SVIL: variants seen among roughly 807,000 people sequenced by gnomAD.
SVIL encodes the protein supervillin.
SVIL carries 101 observed loss-of-function variants against 240.4 expected under a neutral mutation model. The observed-to-expected ratio is 0.42, with a 90% CI of 0.36 to 0.50. SVIL has a LOEUF of 0.50. SVIL is among the 20% of genes least tolerant of loss of function. SVIL has a pLI of 0.01. For synonymous variants in SVIL, 999 were observed against 1,100.0 expected (o/e 0.91, Z 1.82); for missense variants, 2,512 against 2,818.7 (o/e 0.89, Z 2.46).
rs562007452 is a variant in SVIL at position 29,608,477 on chromosome 10, T to A, written c.-201+25943A>T. Reference sequence around the variant, plus strand: ...AAGCTGGCAGGATGGGAGCCTGTTCTCCCAGGCAGTTGCAGCTGCCCAGCC... The same window carrying A: ...AAGCTGGCAGGATGGGAGCCTGTTCACCCAGGCAGTTGCAGCTGCCCAGCC... On this transcript the variant is annotated intron_variant, in intron 1 of 37. Coordinates refer to ENST00000355867, the MANE Select transcript of SVIL (RefSeq NM_021738.3). 2.5e-4 allele frequency among the ~76,000 whole-genome samples: 38 copies of A among 152,338 alleles called. No individual in the cohort carries two copies. In the East Asian group the frequency reaches 6.4e-3, roughly 26 times the overall value.
chr10:29,484,627 G>A lies in SVIL; in HGVS notation c.4955+29C>T, dbSNP rs1336448194. Reference sequence around the variant, plus strand: ...ATCGAAGGGAATCAGCTCGCTTGAAGAGCTGTCCCCGGGCGGCGGCAGGAG... The same window carrying A: ...ATCGAAGGGAATCAGCTCGCTTGAAAAGCTGTCCCCGGGCGGCGGCAGGAG... On this transcript the variant is annotated intron_variant, in intron 27 of 37. Transcript: ENST00000355867. This position sits in a 1 kb window ranked among gnomAD's most constrained non-coding sequence, Gnocchi z 4.7. 1.3e-6 allele frequency: 2 copies of A among 1,594,294 alleles called. No homozygotes were observed. Among genetic ancestry groups the A allele is most frequent in the Non-Finnish European group, 1.7e-6 (2 of 1,169,740 alleles).
chr10:29,568,120 G>A (rs1955137807), intron 2 of SVIL, among the ~76,000 whole-genome samples: 1 of 151,664 alleles, frequency 6.6e-6, no homozygotes, highest in Non-Finnish European at 1.5e-5. Context: ...CATTAAAAAA[G>A]TGACGTTTCG....
chr10:29,522,614 G>A lies in SVIL; in HGVS notation c.3185C>T (p.Thr1062Ile), dbSNP rs1950632857. The A allele has an allele frequency of 6.2e-7, 1 of 1,614,162 alleles. No individual in the cohort carries two copies. Residue 1062 changes from threonine to isoleucine, a missense_variant, in exon 16 of 38, where the codon ACT (threonine) becomes ATT (isoleucine). Transcript: ENST00000355867. ...SLRAAEFGEPTSEQTGTAAGK... is the reference protein window; with the variant it reads ...SLRAAEFGEPISEQTGTAAGK... The stretch of plus-strand genomic sequence containing the variant: ...AGCAGCTGTCCCCGTCTGCTCGGAA[G>A]TGGGCTCCCCGAACTCTGCCGCTGG...
chr10:29,710,353 A>C (rs1157290728), intron 1 of SVIL, among the ~76,000 whole-genome samples: 2 of 152,200 alleles, frequency 1.3e-5, no homozygotes, highest in Non-Finnish European at 2.9e-5. Context: ...CACCACGCCC[A>C]GCCAACCATT....
In SVIL at chr10:29,523,600, T is replaced by A. The variant is rs1950702570; in HGVS notation, c.3014A>T (p.Asn1005Ile). The A allele has an allele frequency of 2.5e-6, 4 of 1,614,100 alleles. No homozygotes were observed. Among genetic ancestry groups the A allele is most frequent in the Non-Finnish European group, 3.4e-6 (4 of 1,180,012 alleles). The change falls in exon 15 of 38, where the codon AAC (asparagine) becomes ATC (isoleucine). Residue 1005 changes from asparagine (N) to isoleucine (I), a missense_variant. Asn to Ile is a moderately radical substitution (Grantham distance 149). Around this residue, in one of 3 missense-constraint regions of SVIL, gnomAD observed 1,443 missense variants for 1,486.6 expected, o/e 0.97. Coordinates refer to ENST00000355867, the MANE Select transcript of SVIL (RefSeq NM_021738.3). ...VPRRGSLERA[N>I]PPITHLGDEP... ...ATCCCCGAGGTGGGTGATGGGAGGGTTCGCCCGTTCCAGGCTTCCTCTTCT... is the reference window on the plus strand; with the variant it reads ...ATCCCCGAGGTGGGTGATGGGAGGGATCGCCCGTTCCAGGCTTCCTCTTCT...
chr10:29,706,064 G>A lies in SVIL; in HGVS notation c.-399-19413C>T, dbSNP rs373815488. 8.9e-4 allele frequency among the ~76,000 whole-genome samples: 135 copies of A among 152,248 alleles called. 1 individual carries two copies. Among genetic ancestry groups the A allele is most frequent in the East Asian group, 3.1e-3 (16 of 5,188 alleles). On this transcript the variant is annotated intron_variant, in intron 1 of 35. Transcript: ENST00000375400. The stretch of plus-strand genomic sequence containing the variant: ...TAGCAGCTCATGCCTGTAGATTGAC[G>A]GGCATTTGGGTTGGTTCCATGTCTT...
At chr10:29,554,169 G>T (rs1953672822) in intron 5 of SVIL, among the ~76,000 whole-genome samples, 1 of 152,088 alleles carries the variant, frequency 6.6e-6, no homozygotes, top group Non-Finnish European at 1.5e-5. Flanking sequence ...TTAATAGCCA[G>T]GCATGGTGGC....
At position 29,480,613 on chromosome 10, in the gene SVIL, G is replaced by A. The variant is rs1588901439; in HGVS notation, c.5301C>T (p.Leu1767=). Residue 1767 remains leucine, a synonymous_variant, in exon 29 of 38, where the codon CTC becomes CTT. Transcript: ENST00000355867. The part of the protein sequence containing the change: ...WHILEFDYSR[L]PKQSIGQFHE... Reference sequence around the variant, plus strand: ...GGAACTGCCCGATGCTTTGTTTGGGGAGCCTGCTATAGTCGAATTCCAGGA... The same window carrying A: ...GGAACTGCCCGATGCTTTGTTTGGGAAGCCTGCTATAGTCGAATTCCAGGA... The A allele has an allele frequency of 5.0e-6, 8 of 1,614,146 alleles. No individual in the cohort carries two copies. In the East Asian group the frequency reaches 1.8e-4, roughly 36 times the overall value.
intron 1 of SVIL, among the ~76,000 whole-genome samples, chr10:29,627,315 C>T (rs548429566): frequency 9.2e-5 from 14 of 152,072 alleles, no homozygotes; most frequent in Admixed American, 3.3e-4. Context: ...AATCCCAATA[C>T]GTAAAAGGGG....
At chr10:29,604,851 G>A (rs1162120600) in intron 1 of SVIL, among the ~76,000 whole-genome samples, 5 of 152,086 alleles carry the variant, frequency 3.3e-5, no homozygotes, top group East Asian at 1.9e-4. Context: ...TTATAGCCCC[G>A]AGCCACTGCA....
At chr10:29,708,949 T>C (rs1286662383) in intron 1 of SVIL, among the ~76,000 whole-genome samples, 2 of 151,962 alleles carry the variant, frequency 1.3e-5, no homozygotes, top group Non-Finnish European at 2.9e-5. Context: ...AAAAGTTCAA[T>C]AGAACAGTAC....
chr10:29,486,329 A>G, intron 25 of SVIL, 81 bp downstream of exon 25: 1 of 1,592,552 alleles, frequency 6.3e-7, no homozygotes, highest in Non-Finnish European at 8.5e-7. Context: ...TTTTATTTAC[A>G]ATGTAAAATA....
chr10:29,594,984 G>T (rs1227709271), intron 1 of SVIL, among the ~76,000 whole-genome samples: 1 of 152,240 alleles, frequency 6.6e-6, no homozygotes, highest in South Asian at 2.1e-4. Flanking sequence ...AACCCCTGAA[G>T]GGGAGGGAAG....
chr10:29,702,674 A>C (rs1469244809), intron 1 of SVIL, among the ~76,000 whole-genome samples: 2 of 152,114 alleles, frequency 1.3e-5, no homozygotes, highest in Admixed American at 6.5e-5. Context: ...GACACTGAAA[A>C]TGAATCCCTA....
intron 12 of SVIL, among the ~76,000 whole-genome samples, chr10:29,528,396 G>C (rs148033535): frequency 6.6e-6 from 1 of 152,128 alleles, no homozygotes; most frequent in Non-Finnish European, 1.5e-5. Context: ...TTCCAGGAAG[G>C]GTGTCTGTGT....
chr10:29,619,351 ACT>A (rs749517607), intron 1 of SVIL, among the ~76,000 whole-genome samples: 2 of 152,160 alleles, frequency 1.3e-5, no homozygotes, highest in Non-Finnish European at 2.9e-5. Flanking sequence ...AACTTTAATG[ACT>A]CTTCTGCCAA....
intron 6 of SVIL, among the ~76,000 whole-genome samples, chr10:29,544,105 G>C (rs1952414614): frequency 6.6e-6 from 1 of 152,154 alleles, no homozygotes; most frequent in African/African-American, 2.4e-5. Context: ...CAACTCCCAA[G>C]GGTCTACAGA....
intron 1 of SVIL, among the ~76,000 whole-genome samples, chr10:29,712,840 G>A (rs1439130081): frequency 6.6e-6 from 1 of 152,170 alleles, no homozygotes; most frequent in Non-Finnish European, 1.5e-5. Context: ...CTAATAGGTA[G>A]GAAATAAATG....
At chr10:29,632,251 A>G (rs1411679580) in intron 1 of SVIL, among the ~76,000 whole-genome samples, 12 of 152,184 alleles carry the variant, frequency 7.9e-5, no homozygotes, top group Admixed American at 7.9e-4. Context: ...GAACTTTGGG[A>G]GGCCGAGCGC....
Sources: gnomAD v4.1 joint callset for allele counts (sites outside exome capture counted in the v4.1 genomes callset) on GRCh38, gnomAD v4.1.1 for gene constraint, gnomAD v4.1.1 regional missense constraint, Gnocchi (gnomAD v3.1) non-coding constraint, MANE v1.5 for transcripts, NCBI Gene and HGNC (gene_info 2026-07-23, HGNC 2026-07-21) for gene names.